ACOT9: variants seen among roughly 807,000 people sequenced by gnomAD.
The protein encoded by ACOT9 is acyl-coenzyme A thioesterase 9, mitochondrial.
Under a neutral mutation model 39.7 loss-of-function variants are expected in ACOT9, and 34 were observed. The ratio of observed to expected loss-of-function variants is 0.86; its 90% CI spans 0.65 to 1.14. The LOEUF (loss-of-function observed/expected upper bound fraction) is 1.14. ACOT9 is among the 50% of genes most tolerant of loss of function. The pLI is 0.00. For missense variants in ACOT9, 313 were observed against 344.1 expected (o/e 0.91, Z 0.71); for synonymous variants, 110 against 120.5 (o/e 0.91, Z 0.57).
intron 8 of ACOT9, among the ~76,000 whole-genome samples, chrX:23,715,358 A>G (rs914269560): frequency 9.0e-6 from 1 of 111,092 alleles, no homozygotes; most frequent in Non-Finnish European, 1.9e-5. Flanking sequence ...CTCATTCTTC[A>G]CGACATTCCT....
At chrX:23,704,112 C>A in intron 15 of ACOT9, 130 bp from the exon 16 acceptor site, 1 of 489,500 alleles carries the variant, frequency 2.0e-6, no homozygotes, top group East Asian at 3.9e-5. Flanking sequence ...CGGGGTGTGC[C>A]ACATTCCCAA....
Position 23,703,808 on chromosome X carries a change from T to C in ACOT9, c.*86A>G, listed in dbSNP as rs1928564099. ...CTCCTGTGTGGAGGACACGAAGCAATACTAAAATCAATACACTCGATCAGG... is the reference window on the plus strand; with the variant it reads ...CTCCTGTGTGGAGGACACGAAGCAACACTAAAATCAATACACTCGATCAGG... On this transcript the variant is annotated 3_prime_UTR_variant, in exon 16 of 16. Coordinates refer to ENST00000379303, the MANE Select transcript of ACOT9 (RefSeq NM_001037171.2). 2.0e-5 allele frequency: 15 copies of C among 764,806 alleles called. No individual in the cohort carries two copies. The South Asian group carries it at 3.2e-4, about 16-fold the overall frequency. The allele number at this position is 764,806 out of a possible 1,213,427, so 63.0% of individuals were successfully genotyped here.
chrX:23,732,618 C>T (rs1180653531), intron 4 of ACOT9, among the ~76,000 whole-genome samples: 1 of 111,373 alleles, frequency 9.0e-6, no homozygotes, highest in African/African-American at 3.3e-5. Flanking sequence ...ATCTAGTGAT[C>T]ACTCGTGTTT....
chrX:23,738,540 A>G (rs1205278867), intron 1 of ACOT9, among the ~76,000 whole-genome samples: 1 of 111,112 alleles, frequency 9.0e-6, no homozygotes, highest in Non-Finnish European at 1.9e-5. Context: ...CAGGAGGCAG[A>G]GGTTGCAGTG....
intron 9 of ACOT9, among the ~76,000 whole-genome samples, chrX:23,711,905 T>C (rs1928908381): frequency 9.0e-6 from 1 of 111,404 alleles, no homozygotes; most frequent in South Asian, 3.7e-4. Context: ...TACAAGGCTT[T>C]AGATCTAACT....
chrX:23,733,243 C>A (rs1324485447), intron 3 of ACOT9, 26 bp from the exon 4 acceptor site: 1 of 1,184,506 alleles, frequency 8.4e-7, no homozygotes, highest in South Asian at 1.8e-5. Flanking sequence ...AGAGGTCATT[C>A]CATGAAACAA....
At chrX:23,741,194 G>C (rs1930132969) in intron 1 of ACOT9, among the ~76,000 whole-genome samples, 1 of 110,109 alleles carries the variant, frequency 9.1e-6, no homozygotes. Flanking sequence ...GTAGAGAAAA[G>C]GGAACCCTCG....
At chrX:23,709,195 C>A (rs1200057231) in intron 9 of ACOT9, among the ~76,000 whole-genome samples, 1 of 111,060 alleles carries the variant, frequency 9.0e-6, no homozygotes, top group African/African-American at 3.3e-5. Flanking sequence ...GAGTTCGAGA[C>A]CAGCCTGGTC....
At chrX:23,720,131 C>T (rs1262373248) in intron 8 of ACOT9, among the ~76,000 whole-genome samples, 3 of 113,113 alleles carry the variant, frequency 2.7e-5, no homozygotes, top group Non-Finnish European at 3.7e-5. Context: ...CCGCGCCCAG[C>T]CAGTCATTCT....
intron 1 of ACOT9, among the ~76,000 whole-genome samples, chrX:23,741,753 C>A (rs1920967163): frequency 9.5e-6 from 1 of 105,713 alleles, no homozygotes; most frequent in South Asian, 4.3e-4. Flanking sequence ...CAGCTCACTG[C>A]AACCTCTGCC....
chrX:23,717,242 G>A lies in ACOT9; in HGVS notation c.589-4034C>T, dbSNP rs185144857. ...TGAGCTCAGGAGATCCACCTGCCTC[G>A]GCCTCCCAAAGTCCTGAGATTGGAG... On this transcript the variant is annotated intron_variant, in intron 8 of 15. Coordinates refer to ENST00000379303, the MANE Select transcript of ACOT9 (RefSeq NM_001037171.2). Among the ~76,000 whole-genome samples, 415 of 110,640 alleles carry A rather than the reference G, an allele frequency of 3.8e-3. 2 individuals are homozygous for A. The highest frequency in any genetic ancestry group is 5.3e-3 in the Non-Finnish European group (283 of 52,922).
At chrX:23,726,336 A>T (rs1349191657) in intron 6 of ACOT9, among the ~76,000 whole-genome samples, 2 of 112,055 alleles carry the variant, frequency 1.8e-5, no homozygotes, top group Non-Finnish European at 3.8e-5. Flanking sequence ...AAAGGGGACT[A>T]CAAAAGAGCA....
chrX:23,715,099 C>G (rs896473165), intron 8 of ACOT9, among the ~76,000 whole-genome samples: 3 of 111,452 alleles, frequency 2.7e-5, no homozygotes, highest in African/African-American at 9.8e-5. Context: ...CATTATGCCT[C>G]TGCCCTATTC....
intron 4 of ACOT9, among the ~76,000 whole-genome samples, chrX:23,732,319 G>A (rs1929784566): frequency 1.8e-5 from 2 of 112,560 alleles, no homozygotes; most frequent in African/African-American, 6.4e-5. Flanking sequence ...CTGTCAATTT[G>A]ATTACATGAG....
intron 8 of ACOT9, among the ~76,000 whole-genome samples, chrX:23,721,291 C>T (rs750926493): frequency 2.4e-4 from 26 of 110,294 alleles, no homozygotes; most frequent in Middle Eastern, 4.7e-3. Flanking sequence ...CAGGGTTTCA[C>T]CATATTGGCC....
rs916812976 is a variant in ACOT9 at position 23,725,695 on chromosome X, G to A, written c.401-2942C>T. Among the ~76,000 whole-genome samples the A allele has an allele frequency of 1.1e-4, 12 of 108,136 alleles. No homozygotes were observed. In the East Asian group the frequency reaches 1.7e-3, roughly 16 times the overall value. The allele number at this position is 108,136 out of a possible 115,157, so 93.9% of individuals were successfully genotyped here. On this transcript the variant is annotated intron_variant, in intron 6 of 15. Transcript: ENST00000379303. Reference sequence around the variant, plus strand: ...TAGCTGGGCATGGTGGTGTGCACCCGTAGTCCCAGCTACTCAGGAGGCTAA... The same window carrying A: ...TAGCTGGGCATGGTGGTGTGCACCCATAGTCCCAGCTACTCAGGAGGCTAA...
intron 6 of ACOT9, among the ~76,000 whole-genome samples, chrX:23,730,012 T>G (rs1929674424): frequency 9.0e-6 from 1 of 111,141 alleles, no homozygotes; most frequent in African/African-American, 3.3e-5. Flanking sequence ...GTAAGAAAGA[T>G]TATTCAGACT....
At chrX:23,708,738 G>A (rs773911314) in intron 9 of ACOT9, among the ~76,000 whole-genome samples, 168 of 110,918 alleles carry the variant, frequency 1.5e-3, no homozygotes, top group Non-Finnish European at 2.5e-3. Context: ...ATCTGAATAC[G>A]GATCACATAT....
chrX:23,719,207 T>C (rs1388009856), intron 8 of ACOT9, among the ~76,000 whole-genome samples: 2 of 111,070 alleles, frequency 1.8e-5, no homozygotes, highest in Non-Finnish European at 3.8e-5. Flanking sequence ...GGGGCAGAGG[T>C]AGCAGAAAGC....
Sources: allele counts gnomAD v4.1 joint callset (sites outside exome capture counted in the v4.1 genomes callset), GRCh38; gene constraint gnomAD v4.1.1; transcripts MANE v1.5; gene names NCBI Gene and HGNC (gene_info 2026-07-23, HGNC 2026-07-21).